Variants in LRP2 observed in about 807,000 individuals in gnomAD.
LRP2 encodes low-density lipoprotein receptor-related protein 2.
LRP2 carries 172 observed loss-of-function variants against 531.0 expected under a neutral mutation model. That is an observed-to-expected ratio of 0.32 (90% CI 0.29 to 0.37). The LOEUF (loss-of-function observed/expected upper bound fraction) is 0.37. Among genes scored for constraint, LRP2 ranks in the 10% least tolerant of loss-of-function variants. The pLI is 1.00. For missense variants in LRP2, 5,167 were observed against 5,868.3 expected, an observed-to-expected ratio of 0.88 and a Z score of 3.90; for synonymous variants, 1,992 against 2,027.6, an observed-to-expected ratio of 0.98 and a Z score of 0.47.
In LRP2 at chr2:169,292,409, AC is replaced by A. The variant is rs749818515; in HGVS notation, c.653-41del. On this transcript the variant is annotated intron_variant, in intron 6 of 78. Transcript: ENST00000649046. ...CAGCTGCACTCCAAAGACACAAATC[AC>A]CGGGAAAAACTGAAAGTGCTCTCAC... 2.3e-6 allele frequency: 3 copies of A among 1,291,622 alleles called. No individual in the cohort carries two copies. The Admixed American group carries it at 5.0e-5, about 22-fold the overall frequency. The allele number at this position is 1,291,622 out of a possible 1,614,324, so 80.0% of individuals were successfully genotyped here. A position where few individuals can be genotyped will look rare whatever the true frequency, so the allele number is the denominator to read the frequency against.
chr2:169,174,589 A>T (rs1232453393), intron 55 of LRP2, among the ~76,000 whole-genome samples: 1 of 152,210 alleles, frequency 6.6e-6, no homozygotes, highest in African/African-American at 2.4e-5. Context: ...GGCTCACTGC[A>T]GCCTCAACCT....
At chr2:169,304,112 G>A (rs1684353329) in intron 4 of LRP2, among the ~76,000 whole-genome samples, 1 of 152,144 alleles carries the variant, frequency 6.6e-6, no homozygotes, top group Non-Finnish European at 1.5e-5. Context: ...TTCTGTTTCA[G>A]CTGACTTTTA....
intron 1 of LRP2, among the ~76,000 whole-genome samples, chr2:169,325,041 A>C (rs1408534038): frequency 6.6e-6 from 1 of 151,500 alleles, no homozygotes; most frequent in Non-Finnish European, 1.5e-5. Context: ...AAAAAGGGGA[A>C]TATCTAGAAG....
intron 64 of LRP2, among the ~76,000 whole-genome samples, 176 bp downstream of exon 64, chr2:169,157,195 C>T (rs1264416567): frequency 6.6e-6 from 1 of 152,118 alleles, no homozygotes; most frequent in Non-Finnish European, 1.5e-5. Flanking sequence ...GGTCAGATAG[C>T]ATGCATGCAG....
At chr2:169,175,417 T>C (rs879155407) in intron 54 of LRP2, 28 bp from the exon 55 acceptor site, 1 of 1,607,518 alleles carries the variant, frequency 6.2e-7, no homozygotes, top group Admixed American at 1.7e-5. Flanking sequence ...AGCACTTCTT[T>C]AGCAAAGCAC....
At chr2:169,203,102 ACT>A (rs1257141367) in intron 42 of LRP2, 143 bp from the exon 43 acceptor site, 2 of 719,394 alleles carry the variant, frequency 2.8e-6, no homozygotes, top group African/African-American at 3.5e-5. Flanking sequence ...TAACCTTTTA[ACT>A]ATATTCTGAG....
Position 169,207,096 on chromosome 2 carries a change from G to A in LRP2, c.6624C>T (p.Asp2208=). Reference sequence around the variant, plus strand: ...GCTCAATCTTTGGTCTCTGCCCATAGTCAGCCCAGAAGAGGTATCTGTTCT... The same window carrying A: ...GCTCAATCTTTGGTCTCTGCCCATAATCAGCCCAGAAGAGGTATCTGTTCT... ...DPKNRYLFWA[D]YGQRPKIERS... The change falls in exon 39 of 79, where the codon GAC becomes GAT. Residue 2208 remains aspartate (D), a synonymous_variant. Transcript: ENST00000649046. 1 of 1,613,120 alleles carries A rather than the reference G, an allele frequency of 6.2e-7. No homozygotes were observed. Among genetic ancestry groups the A allele is most frequent in the Non-Finnish European group, 8.5e-7 (1 of 1,179,372 alleles).
At position 169,146,970 on chromosome 2, in the gene LRP2, A is replaced by G. The variant is rs1685936990; in HGVS notation, c.12591-11T>C. 6.3e-7 allele frequency: 1 copy of G among 1,589,822 alleles called. No homozygotes were observed. Among genetic ancestry groups the G allele is most frequent in the Non-Finnish European group, 8.6e-7 (1 of 1,162,560 alleles). ...GTCCAGAACATAAGCCTATAACAGA[A>G]GATTTCTTCACTGTAGCATCTCACC... On this transcript the variant is annotated splice_polypyrimidine_tract_variant and intron_variant, in intron 68 of 78. Coordinates refer to ENST00000649046, the MANE Select transcript of LRP2 (RefSeq NM_004525.3).
chr2:169,293,505 A>G (rs1007657979), intron 6 of LRP2, among the ~76,000 whole-genome samples: 3 of 152,036 alleles, frequency 2.0e-5, no homozygotes, highest in African/African-American at 4.8e-5. Flanking sequence ...GTGAAACCCC[A>G]TCTCTACTAA....
In LRP2 at chr2:169,220,537, T is replaced by C. The variant is rs1255660716; in HGVS notation, c.5565A>G (p.Arg1855=). 1 of 1,613,178 alleles carries C rather than the reference T, an allele frequency of 6.2e-7. No individual in the cohort carries two copies. The highest frequency in any genetic ancestry group is 2.2e-5 in the East Asian group (1 of 44,856). The change falls in exon 34 of 79, where the codon AGA becomes AGG. Residue 1855 remains arginine, a synonymous_variant. Coordinates refer to ENST00000649046, the MANE Select transcript of LRP2 (RefSeq NM_004525.3). ...IEVLTLHGDI[R]YRKTLIANDG... is the part of the protein sequence containing the mutation. ...CATTGGCAATCAATGTTTTTCTGTA[T>C]CTGATATCTCCGTGGAGTGTCAAAA...
intron 31 of LRP2, among the ~76,000 whole-genome samples, chr2:169,227,323 G>A (rs991430158): frequency 1.5e-4 from 23 of 152,198 alleles, no homozygotes; most frequent in African/African-American, 4.6e-4. Flanking sequence ...AAGTGAATAA[G>A]TAAACAGTAT....
At chr2:169,288,703 CCA>C (rs770374524) in intron 9 of LRP2, among the ~76,000 whole-genome samples, 2 of 152,176 alleles carry the variant, frequency 1.3e-5, no homozygotes, top group Non-Finnish European at 2.9e-5. Context: ...TATTCAATAA[CCA>C]GTATGGCTGC....
At chr2:169,132,366 T>C (rs1312652077) in intron 77 of LRP2, among the ~76,000 whole-genome samples, 4 of 152,244 alleles carry the variant, frequency 2.6e-5, no homozygotes, top group Admixed American at 2.6e-4. Context: ...AGGAACATTA[T>C]TCCCAACTCG....
In LRP2 at chr2:169,206,793, G is replaced by A. The variant is rs1427607942; in HGVS notation, c.6927C>T (p.Asn2309=). ...CTCTTATCACTGTGGGTGGCTCTGTGTTCTCTGGTTCCTTGCTGGCTTGGA... is the reference window on the plus strand; with the variant it reads ...CTCTTATCACTGTGGGTGGCTCTGTATTCTCTGGTTCCTTGCTGGCTTGGA... ...KIFQASKEPE[N]TEPPTVIRDN... is the part of the protein sequence containing the mutation. The change falls in exon 39 of 79, where the codon AAC becomes AAT. Residue 2309 remains asparagine (N), a synonymous_variant. Transcript: ENST00000649046. 1.2e-6 allele frequency: 2 copies of A among 1,614,010 alleles called. No homozygotes were observed. The highest frequency in any genetic ancestry group is 2.7e-5 in the African/African-American group (2 of 74,888).
chr2:169,220,443 T>C lies in LRP2; in HGVS notation c.5648+11A>G. 1.2e-6 allele frequency: 2 copies of C among 1,600,034 alleles called. No individual in the cohort carries two copies. Among genetic ancestry groups the C allele is most frequent in the Non-Finnish European group, 8.6e-7 (1 of 1,167,296 alleles). ...CTGCATGGAAGACACGTGCCATTTA[T>C]GAATACTCACCCACGAGCAGGATCA... On this transcript the variant is annotated intron_variant, in intron 34 of 78. Coordinates refer to ENST00000649046, the MANE Select transcript of LRP2 (RefSeq NM_004525.3).
chr2:169,299,143 GAAAGAAAGAAAGAAAA>G (rs1193604966), intron 4 of LRP2, among the ~76,000 whole-genome samples: 10 of 49,972 alleles, frequency 2.0e-4, no homozygotes, highest in African/African-American at 3.0e-4. Flanking sequence ...AAGAAAGAAA[GAAAGAAAGAAAGAAAA>G]AAAGAAAGAA....
intron 1 of LRP2, among the ~76,000 whole-genome samples, chr2:169,338,452 G>A (rs972294997): frequency 6.6e-6 from 1 of 151,416 alleles, no homozygotes; most frequent in African/African-American, 2.4e-5. Flanking sequence ...AGGGAGGAAA[G>A]GAAGGAAGGA....
Position 169,191,978 on chromosome 2 carries a change from G to A in LRP2, c.8886C>T (p.Asp2962=), listed in dbSNP as rs145151252. 14 of 1,614,052 alleles carry A rather than the reference G, an allele frequency of 8.7e-6. No homozygotes were observed. Among genetic ancestry groups the A allele is most frequent in the Non-Finnish European group, 1.2e-5 (14 of 1,180,024 alleles). ...CCCAAGACTGGGGAATGCACCTCCT[G>A]TCCGGAGGTCTGTCATTTACACAGA... The part of the protein sequence containing the change: ...EFLCVNDRPP[D]RRCIPQSWVC... Residue 2962 remains aspartate, a synonymous_variant, in exon 48 of 79, where the codon GAC becomes GAT. Transcript: ENST00000649046.
chr2:169,312,675 C>A (rs542586705), intron 3 of LRP2, among the ~76,000 whole-genome samples: 1 of 152,070 alleles, frequency 6.6e-6, no homozygotes, highest in Non-Finnish European at 1.5e-5. Context: ...CTGACAATTA[C>A]GTGTCTTGGA....
Sources: gnomAD v4.1 joint callset for allele counts (sites outside exome capture counted in the v4.1 genomes callset) on GRCh38, gnomAD v4.1.1 for gene constraint, MANE v1.5 for transcripts, NCBI Gene and HGNC (gene_info 2026-07-23, HGNC 2026-07-21) for gene names.